The following FNBP1L variants were observed in gnomAD, a reference collection of about 807,000 sequenced individuals.
FNBP1L encodes formin-binding protein 1-like.
A neutral mutation model predicts 91.2 loss-of-function variants in FNBP1L; 36 were observed. The ratio of observed to expected loss-of-function variants is 0.39; its 90% CI spans 0.30 to 0.52. The LOEUF (loss-of-function observed/expected upper bound fraction) is 0.52. Among genes scored for constraint, FNBP1L ranks in the 20% least tolerant of loss-of-function variants. The pLI is 0.66. For synonymous variants in FNBP1L, 242 were observed against 237.0 expected, an observed-to-expected ratio of 1.02 and a Z score of -0.19; for missense variants, 571 against 732.1, an observed-to-expected ratio of 0.78 and a Z score of 2.54.
At chr1:93,549,574 TA>T in intron 15 of FNBP1L, 148 bp downstream of exon 15, 1 of 651,374 alleles carries the variant, frequency 1.5e-6, no homozygotes. Flanking sequence ...ACTTTTGTTA[TA>T]ACTGTATTAC....
chr1:93,536,455 C>T lies in FNBP1L; in HGVS notation c.1114C>T (p.Pro372Ser). The change falls in exon 10 of 17, where the codon CCC (proline) becomes TCC (serine). Residue 372 changes from proline (P) to serine (S), a missense_variant. Coordinates refer to ENST00000271234, the MANE Select transcript of FNBP1L (RefSeq NM_001164473.3). Reference protein sequence around the residue: ...YCMNEIKTGKPRIPSFRSLKR... With the variant: ...YCMNEIKTGKSRIPSFRSLKR... Reference sequence around the variant, plus strand: ...TATGAATGAAATAAAAACAGGGAAGCCCAGAATTCCTTCTTTCAGAAGCCT... The same window carrying T: ...TATGAATGAAATAAAAACAGGGAAGTCCAGAATTCCTTCTTTCAGAAGCCT... 6.5e-7 allele frequency: 1 copy of T among 1,549,352 alleles called. No homozygotes were observed. The highest frequency in any genetic ancestry group is 8.7e-7 in the Non-Finnish European group (1 of 1,145,914).
intron 1 of FNBP1L, among the ~76,000 whole-genome samples, chr1:93,469,221 A>G (rs376699049): frequency 1.3e-5 from 2 of 151,830 alleles, no homozygotes; most frequent in Non-Finnish European, 2.9e-5. Flanking sequence ...TTCTCCTAAC[A>G]TTATTCCTCC....
rs533907422 is a variant in FNBP1L at position 93,455,167 on chromosome 1, G to T, written c.24+6862G>T. Among the ~76,000 whole-genome samples, 6 of 152,168 alleles carry T rather than the reference G, an allele frequency of 3.9e-5. No homozygotes were observed. The South Asian group carries it at 8.3e-4, about 21-fold the overall frequency. On this transcript the variant is annotated intron_variant, in intron 1 of 16. Coordinates refer to ENST00000271234, the MANE Select transcript of FNBP1L (RefSeq NM_001164473.3). The stretch of plus-strand genomic sequence containing the variant: ...ATGGTCTCGATCTCCTGACCTCGTG[G>T]TCCACCCGCCTCGGCCTCCCAGAGT...
At chr1:93,538,131 A>G (rs1305771104) in intron 10 of FNBP1L, among the ~76,000 whole-genome samples, 6 of 152,122 alleles carry the variant, frequency 3.9e-5, no homozygotes, top group African/African-American at 1.4e-4. Flanking sequence ...ATTTTACACT[A>G]TATAGTCATA....
At chr1:93,507,089 ACACACACACACACACACACTCT>A (rs1180071388) in intron 2 of FNBP1L, among the ~76,000 whole-genome samples, 18 of 131,078 alleles carry the variant, frequency 1.4e-4, no homozygotes, top group African/African-American at 4.1e-4. Context: ...ACACACACAC[ACACACACACACACACACACTCT>A]CTCTCTCTCT....
intron 1 of FNBP1L, among the ~76,000 whole-genome samples, chr1:93,482,910 C>G (rs1035691851): frequency 6.6e-6 from 1 of 151,022 alleles, no homozygotes; most frequent in African/African-American, 2.4e-5. Flanking sequence ...CCCAGCTACT[C>G]AGGAGGCTGA....
At position 93,552,539 on chromosome 1, in the gene FNBP1L, A is replaced by T; in HGVS notation, c.*123A>T. ...AGAAGCAAGTTGCATGAGTGCATGC[A>T]GACATGATTTTTTTTTTACTAACTT... On this transcript the variant is annotated 3_prime_UTR_variant, in exon 17 of 17. Transcript: ENST00000271234. 1 of 995,780 alleles carries T rather than the reference A, an allele frequency of 1.0e-6. No individual in the cohort carries two copies. The highest frequency in any genetic ancestry group is 1.4e-6 in the Non-Finnish European group (1 of 698,352). 61.7% of individuals were successfully genotyped at this position (995,780 alleles called of 1,614,324 possible).
At chr1:93,477,663 TAAAAG>T (rs1026022110) in intron 1 of FNBP1L, among the ~76,000 whole-genome samples, 4 of 152,168 alleles carry the variant, frequency 2.6e-5, no homozygotes, top group African/African-American at 4.8e-5. Flanking sequence ...ATAAATGAAT[TAAAAG>T]GAAGAGATTA....
Position 93,530,857 on chromosome 1 carries a change from T to C in FNBP1L, c.613T>C (p.Tyr205His). 3.9e-6 allele frequency: 6 copies of C among 1,546,222 alleles called. No individual in the cohort carries two copies. The highest frequency in any genetic ancestry group is 5.3e-6 in the Non-Finnish European group (6 of 1,142,832). Reference protein sequence around the residue: ...NFNGEQHKHFYVVIPQIYKQL... With the variant: ...NFNGEQHKHFHVVIPQIYKQL... ...TAATGGAGAACAACATAAACATTTT[T>C]ATGTAGTGATTCCTCAGATTTACAA... The change falls in exon 7 of 17, where the codon TAT becomes CAT. Residue 205 changes from tyrosine to histidine, a missense_variant. By Grantham distance (83) the Tyr-to-His change is moderately conservative. Coordinates refer to ENST00000271234, the MANE Select transcript of FNBP1L (RefSeq NM_001164473.3).
chr1:93,496,115 G>T (rs554291057), intron 1 of FNBP1L, among the ~76,000 whole-genome samples: 35 of 152,284 alleles, frequency 2.3e-4, no homozygotes, highest in African/African-American at 8.2e-4. Flanking sequence ...TCTGTTCAAT[G>T]AAAGCCTTCA....
At chr1:93,505,110 CTTTT>C (rs61426757) in intron 2 of FNBP1L, among the ~76,000 whole-genome samples, 2 of 125,184 alleles carry the variant, frequency 1.6e-5, no homozygotes, top group Non-Finnish European at 3.3e-5. Context: ...CAGCTTCATT[CTTTT>C]TTTTTTTTTT....
chr1:93,526,069 G>C (rs1435779191), intron 5 of FNBP1L, among the ~76,000 whole-genome samples: 1 of 152,026 alleles, frequency 6.6e-6, no homozygotes, highest in Admixed American at 6.5e-5. Context: ...ATTAAAAATT[G>C]AGGAAAAAAA....
intron 1 of FNBP1L, among the ~76,000 whole-genome samples, chr1:93,459,567 A>G (rs986857626): frequency 3.9e-5 from 6 of 152,230 alleles, no homozygotes; most frequent in African/African-American, 1.4e-4. Context: ...TAAAAAAAGG[A>G]AAGATAAATG....
intron 16 of FNBP1L, 84 bp downstream of exon 16, chr1:93,551,189 C>A: frequency 4.2e-6 from 6 of 1,412,282 alleles, no homozygotes; most frequent in Non-Finnish European, 5.6e-6. Flanking sequence ...AAAACACATT[C>A]AACAGGTTGA....
At chr1:93,547,746 G>A (rs1327570647) in intron 14 of FNBP1L, among the ~76,000 whole-genome samples, 1 of 152,014 alleles carries the variant, frequency 6.6e-6, no homozygotes, top group African/African-American at 2.4e-5. Context: ...AGGTTCAAGT[G>A]GAATTAGGGT....
At chr1:93,524,462 T>C (rs1671432758) in intron 5 of FNBP1L, 139 bp downstream of exon 5, 1 of 585,980 alleles carries the variant, frequency 1.7e-6, no homozygotes, top group Non-Finnish European at 2.7e-6. Context: ...TATTGTATAA[T>C]AGTCAATAAA....
chr1:93,449,354 C>G (rs529663416), intron 1 of FNBP1L, among the ~76,000 whole-genome samples: 67 of 152,286 alleles, frequency 4.4e-4, no homozygotes, highest in Non-Finnish European at 8.5e-4. Context: ...GCCGCCTGGC[C>G]TCAGCCACTC....
intron 11 of FNBP1L, 102 bp from the exon 12 acceptor site, chr1:93,544,005 T>A: frequency 2.5e-6 from 2 of 796,164 alleles, no homozygotes; most frequent in Non-Finnish European, 3.7e-6. Flanking sequence ...AAATTTGAAA[T>A]TAAACTTAAG....
chr1:93,549,422 T>C lies in FNBP1L; in HGVS notation c.1647T>C (p.Phe549=). The C allele has an allele frequency of 7.6e-6, 12 of 1,573,986 alleles. No individual in the cohort carries two copies. The highest frequency in any genetic ancestry group is 1.0e-5 in the Non-Finnish European group (12 of 1,166,840). The part of the protein sequence containing the change: ...AIGHCKAIYP[F]DGHNEGTLAM... ...GACACTGCAAAGCTATCTACCCTTT[T>C]GATGGTATGATTTTCTTAATAATAT... The change falls in exon 15 of 17, where the codon TTT becomes TTC. Residue 549 remains phenylalanine, a synonymous_variant. Coordinates refer to ENST00000271234, the MANE Select transcript of FNBP1L (RefSeq NM_001164473.3).
Sources: gnomAD v4.1 joint callset for allele counts (sites outside exome capture counted in the v4.1 genomes callset) on GRCh38, gnomAD v4.1.1 for gene constraint, MANE v1.5 for transcripts, NCBI Gene and HGNC (gene_info 2026-07-23, HGNC 2026-07-21) for gene names.